Variants in LDLRAD4 observed in about 807,000 individuals in gnomAD.
LDLRAD4 encodes low density lipoprotein receptor class A domain containing 4.
A neutral mutation model predicts 17.0 loss-of-function variants in LDLRAD4; 5 were observed. The observed-to-expected ratio is 0.29, with a 90% CI of 0.15 to 0.62. The LOEUF (loss-of-function observed/expected upper bound fraction) is 0.62, where lower values mean the gene tolerates loss of function less well. Among genes scored for constraint, LDLRAD4 ranks in the 20% least tolerant of loss-of-function variants. The pLI, the probability that LDLRAD4 is intolerant of heterozygous loss-of-function variation, is 0.84. For synonymous variants in LDLRAD4, 168 were observed against 171.8 expected (o/e 0.98, Z 0.17); for missense variants, 340 against 424.7 (o/e 0.80, Z 1.75).
chr18:13,572,907 C>T (rs1304897428), intron 3 of LDLRAD4, among the ~76,000 whole-genome samples: 5 of 152,158 alleles, frequency 3.3e-5, no homozygotes, highest in Non-Finnish European at 7.3e-5. Flanking sequence ...CACAGAGTGG[C>T]GCAGGCGAGA....
intron 3 of LDLRAD4, among the ~76,000 whole-genome samples, chr18:13,594,098 G>A (rs1413309490): frequency 2.0e-5 from 3 of 152,032 alleles, no homozygotes; most frequent in Admixed American, 6.6e-5. Flanking sequence ...TGTGTCTTGG[G>A]GTCCCGGAGA....
intron 3 of LDLRAD4, among the ~76,000 whole-genome samples, chr18:13,554,833 A>G (rs2094468481): frequency 6.6e-6 from 1 of 152,140 alleles, no homozygotes; most frequent in Non-Finnish European, 1.5e-5. Flanking sequence ...TGACATGCGG[A>G]CTGTGCATTG....
chr18:13,557,390 G>A (rs546464715), intron 3 of LDLRAD4, among the ~76,000 whole-genome samples: 1 of 152,276 alleles, frequency 6.6e-6, no homozygotes, highest in South Asian at 2.1e-4. Flanking sequence ...GCCTAAGGAT[G>A]GTTTCTTTAG....
At chr18:13,503,326 T>C (rs750913801) in intron 3 of LDLRAD4, among the ~76,000 whole-genome samples, 2 of 152,230 alleles carry the variant, frequency 1.3e-5, no homozygotes, top group Non-Finnish European at 2.9e-5. Flanking sequence ...GAAAATCCTT[T>C]TCTACAGATA....
chr18:13,486,117 T>G (rs562045658), intron 3 of LDLRAD4, among the ~76,000 whole-genome samples: 135 of 152,310 alleles, frequency 8.9e-4, no homozygotes, highest in African/African-American at 3.1e-3. Context: ...TATCAAGAAC[T>G]GAGGATTCTA....
At chr18:13,631,691 G>A (rs2041674359) in intron 4 of LDLRAD4, among the ~76,000 whole-genome samples, 1 of 152,174 alleles carries the variant, frequency 6.6e-6, no homozygotes, top group Non-Finnish European at 1.5e-5. Flanking sequence ...ACTTTGGGAG[G>A]CTAAGGGAGG....
chr18:13,589,872 C>T lies in LDLRAD4; in HGVS notation c.182-31245C>T, dbSNP rs549989437. Among the ~76,000 whole-genome samples the T allele has an allele frequency of 7.9e-5, 12 of 152,214 alleles. No individual in the cohort carries two copies. In the East Asian group the frequency reaches 1.9e-3, roughly 24 times the overall value. On this transcript the variant is annotated intron_variant, in intron 3 of 5. Transcript: ENST00000359446. ...AGGGGCCCAAGGAGTGACAGGCAGACGGGGTCTCTGATCCGGGGGTGCTGG... is the reference window on the plus strand; with the variant it reads ...AGGGGCCCAAGGAGTGACAGGCAGATGGGGTCTCTGATCCGGGGGTGCTGG...
At chr18:13,433,601 C>T (rs1181340262) in intron 2 of LDLRAD4, among the ~76,000 whole-genome samples, 2 of 152,156 alleles carry the variant, frequency 1.3e-5, no homozygotes, top group African/African-American at 4.8e-5. Flanking sequence ...TTGATTTGTC[C>T]TGCTTAAGAT....
intron 3 of LDLRAD4, among the ~76,000 whole-genome samples, chr18:13,485,300 G>A (rs1272094304): frequency 6.6e-6 from 1 of 152,236 alleles, no homozygotes; most frequent in East Asian, 1.9e-4. Context: ...TCTGGTAGGA[G>A]TGTAGTTGGT....
At chr18:13,617,759 C>T (rs191939437) in intron 3 of LDLRAD4, among the ~76,000 whole-genome samples, 3 of 151,948 alleles carry the variant, frequency 2.0e-5, no homozygotes, top group African/African-American at 7.2e-5. Context: ...TCTGAAATTA[C>T]CAGTAATTGG....
intron 2 of LDLRAD4, among the ~76,000 whole-genome samples, chr18:13,397,763 C>T (rs999692456): frequency 5.3e-5 from 8 of 152,224 alleles, no homozygotes; most frequent in East Asian, 1.9e-4. Flanking sequence ...CAGCACTCCT[C>T]GTACTGGGAG....
At chr18:13,341,024 GTTGTA>G (rs1349244092) in intron 1 of LDLRAD4, among the ~76,000 whole-genome samples, 3 of 152,070 alleles carry the variant, frequency 2.0e-5, no homozygotes, top group African/African-American at 2.4e-5. Flanking sequence ...TTCAAAAATT[GTTGTA>G]TTGTATCTGT....
chr18:13,438,136 C>G, intron 2 of LDLRAD4, 108 bp from the exon 4 acceptor site: 1 of 1,022,538 alleles, frequency 9.8e-7, no homozygotes, highest in Admixed American at 1.8e-5. Context: ...TCTGAGCTCC[C>G]AAACAATCAT....
At chr18:13,275,031 C>A (rs564688430), upstream of LDLRAD4, among the ~76,000 whole-genome samples, 1 of 146,230 alleles carries the variant, frequency 6.8e-6, no homozygotes, top group East Asian at 1.9e-4. Context: ...CATAGCAAGA[C>A]CCTGTTTCAA....
intron 1 of LDLRAD4, among the ~76,000 whole-genome samples, chr18:13,321,592 G>A (rs1387635491): frequency 3.3e-5 from 5 of 152,064 alleles, no homozygotes; most frequent in African/African-American, 7.2e-5. Context: ...AAGGCTGGGC[G>A]TGGTGACTCA....
At chr18:13,562,342 A>C (rs893107356) in intron 3 of LDLRAD4, among the ~76,000 whole-genome samples, 1 of 152,236 alleles carries the variant, frequency 6.6e-6, no homozygotes, top group African/African-American at 2.4e-5. Flanking sequence ...CAGCTCTGCC[A>C]ACCTACATCA....
intron 1 of LDLRAD4, among the ~76,000 whole-genome samples, chr18:13,309,526 C>T (rs998367885): frequency 2.6e-5 from 4 of 152,128 alleles, no homozygotes; most frequent in Non-Finnish European, 5.9e-5. Flanking sequence ...AGGAGGGGAG[C>T]CCCCCTTCTC....
chr18:13,626,225 T>C (rs1267575704), intron 4 of LDLRAD4, among the ~76,000 whole-genome samples: 1 of 152,196 alleles, frequency 6.6e-6, no homozygotes, highest in Non-Finnish European at 1.5e-5. Context: ...GCCTGGTTTG[T>C]GTGACTTCTG....
At chr18:13,580,087 C>T (rs1384964294) in intron 3 of LDLRAD4, among the ~76,000 whole-genome samples, 1 of 152,194 alleles carries the variant, frequency 6.6e-6, no homozygotes, top group East Asian at 1.9e-4. Flanking sequence ...TTCTCATTTC[C>T]ACTGACACTT....
Sources: gnomAD v4.1 joint callset for allele counts (sites outside exome capture counted in the v4.1 genomes callset) on GRCh38, gnomAD v4.1.1 for gene constraint, MANE v1.5 for transcripts, NCBI Gene and HGNC (gene_info 2026-07-23, HGNC 2026-07-21) for gene names.